Variants in TNIK observed in about 807,000 individuals in gnomAD.
TNIK encodes the protein TRAF2 and NCK-interacting protein kinase.
Under a neutral mutation model 191.3 loss-of-function variants are expected in TNIK, and 49 were observed. The observed-to-expected ratio is 0.26, with a 90% CI of 0.20 to 0.32. The LOEUF (loss-of-function observed/expected upper bound fraction) is 0.32. TNIK is among the 10% of genes least tolerant of loss of function. The pLI is 1.00. For synonymous variants in TNIK, 594 were observed against 600.9 expected (o/e 0.99, Z 0.17); for missense variants, 1,155 against 1,702.3 (o/e 0.68, Z 5.66).
intron 14 of TNIK, 99 bp downstream of exon 14, chr3:171,139,371 C>G (rs930000138): frequency 1.1e-6 from 1 of 931,142 alleles, no homozygotes; most frequent in East Asian, 2.6e-5. Context: ...AGGACACACG[C>G]ACGCGCGCAC....
chr3:171,423,387 C>T (rs1459735718), intron 1 of TNIK, among the ~76,000 whole-genome samples: 1 of 152,046 alleles, frequency 6.6e-6, no homozygotes, highest in African/African-American at 2.4e-5. Context: ...GAATCAATAT[C>T]GTGAAAATGG....
chr3:171,200,384 T>G (rs1739260923), intron 4 of TNIK, among the ~76,000 whole-genome samples: 1 of 151,846 alleles, frequency 6.6e-6, no homozygotes, highest in South Asian at 2.1e-4. Flanking sequence ...GCTTGGATTA[T>G]TTAGACATGG....
At chr3:171,396,615 A>G (rs1720284134) in intron 1 of TNIK, among the ~76,000 whole-genome samples, 1 of 152,224 alleles carries the variant, frequency 6.6e-6, no homozygotes, top group Non-Finnish European at 1.5e-5. Context: ...TTCAGCCAAC[A>G]GCAGGCCCTC....
At chr3:171,392,558 T>TCA (rs1719677471) in intron 1 of TNIK, among the ~76,000 whole-genome samples, 1 of 151,994 alleles carries the variant, frequency 6.6e-6, no homozygotes, top group Non-Finnish European at 1.5e-5. Context: ...AGTGGGTGGA[T>TCA]CACTTGAGGT....
chr3:171,237,881 C>T (rs1332071821), intron 2 of TNIK, among the ~76,000 whole-genome samples: 3 of 152,132 alleles, frequency 2.0e-5, no homozygotes, highest in Non-Finnish European at 4.4e-5. Context: ...TATGTACTTG[C>T]ACTCCTTTTA....
intron 25 of TNIK, 35 bp from the exon 26 acceptor site, chr3:171,084,360 C>A: frequency 1.3e-6 from 2 of 1,594,736 alleles, no homozygotes; most frequent in Non-Finnish European, 1.7e-6. Flanking sequence ...TCAGTGACAT[C>A]TTAAAAGATA....
At chr3:171,295,933 C>T (rs1326543770) in intron 2 of TNIK, among the ~76,000 whole-genome samples, 3 of 152,150 alleles carry the variant, frequency 2.0e-5, no homozygotes, top group Admixed American at 6.5e-5. Flanking sequence ...AATGCAAGGT[C>T]GAGTACTAGG....
At chr3:171,308,806 A>G (rs1753723484) in intron 2 of TNIK, among the ~76,000 whole-genome samples, 1 of 152,162 alleles carries the variant, frequency 6.6e-6, no homozygotes, top group Non-Finnish European at 1.5e-5. Flanking sequence ...AAAATGCTCA[A>G]CATCACTAAT....
intron 5 of TNIK, among the ~76,000 whole-genome samples, chr3:171,191,286 C>T (rs1198007083): frequency 6.6e-6 from 1 of 152,210 alleles, no homozygotes; most frequent in African/African-American, 2.4e-5. Context: ...CTTACTCTGT[C>T]GCCCAGGCTG....
chr3:171,120,485 T>A (rs1727546071), intron 18 of TNIK, among the ~76,000 whole-genome samples: 1 of 152,094 alleles, frequency 6.6e-6, no homozygotes, highest in African/African-American at 2.4e-5. Flanking sequence ...CATGCTCGAC[T>A]AATTTTTGTA....
intron 7 of TNIK, among the ~76,000 whole-genome samples, chr3:171,187,665 T>G (rs977736551): frequency 6.6e-6 from 1 of 152,210 alleles, no homozygotes; most frequent in Non-Finnish European, 1.5e-5. Flanking sequence ...GAAAGGGCTC[T>G]GAACAGAAAG....
intron 17 of TNIK, among the ~76,000 whole-genome samples, chr3:171,123,949 C>A (rs1204927409): frequency 6.6e-6 from 1 of 152,072 alleles, no homozygotes; most frequent in Non-Finnish European, 1.5e-5. Flanking sequence ...ATCTTAAAAA[C>A]AAATTTAAAG....
chr3:171,341,839 T>C lies in TNIK; in HGVS notation c.123+27781A>G, dbSNP rs144227076. On this transcript the variant is annotated intron_variant, in intron 2 of 32. Coordinates refer to ENST00000436636, the MANE Select transcript of TNIK (RefSeq NM_015028.4). ...AAGCACTGTTGAATCCACCATCTTA[T>C]TTGATCCCAACAGAGATCTCCTGAA... 5.8e-4 allele frequency among the ~76,000 whole-genome samples: 89 copies of C among 152,314 alleles called. 1 individual carries two copies. The highest frequency in any genetic ancestry group is 1.9e-3 in the African/African-American group (78 of 41,576).
intron 1 of TNIK, among the ~76,000 whole-genome samples, chr3:171,447,036 C>T (rs1727593109): frequency 6.6e-6 from 1 of 152,080 alleles, no homozygotes; most frequent in East Asian, 1.9e-4. Flanking sequence ...ACTAAAAATA[C>T]AAAAATTAGT....
chr3:171,261,963 T>A (rs1316045362), intron 2 of TNIK, among the ~76,000 whole-genome samples: 1 of 152,190 alleles, frequency 6.6e-6, no homozygotes, highest in African/African-American at 2.4e-5. Context: ...CCAGGTTTTA[T>A]GAACAACTAG....
intron 1 of TNIK, among the ~76,000 whole-genome samples, chr3:171,403,629 A>AG (rs1233656968): frequency 3.7e-4 from 55 of 150,074 alleles, no homozygotes; most frequent in African/African-American, 1.3e-3. Context: ...AAAAAAAAAA[A>AG]AAAAGAAAAG....
Position 171,139,477 on chromosome 3 carries a change from A to T in TNIK, c.1412T>A (p.Leu471Gln). The change falls in exon 14 of 33, where the codon CTA becomes CAA. Residue 471 changes from leucine (L) to glutamine (Q), a missense_variant. Leu to Gln is a moderately radical substitution (Grantham distance 113). Transcript: ENST00000436636. ...LQQQLLHEQA[L>Q]LLEYKRKQLE... Reference sequence around the variant, plus strand: ...TCTTGGCTTTCTCATTACCAGAAGTAGAGCTTGTTCATGCAGTAGCTGCTG... The same window carrying T: ...TCTTGGCTTTCTCATTACCAGAAGTTGAGCTTGTTCATGCAGTAGCTGCTG... 1 of 1,613,510 alleles carries T rather than the reference A, an allele frequency of 6.2e-7. No individual in the cohort carries two copies. The highest frequency in any genetic ancestry group is 1.3e-5 in the African/African-American group (1 of 75,026).
At chr3:171,273,189 C>A (rs566676853) in intron 2 of TNIK, among the ~76,000 whole-genome samples, 18 of 152,270 alleles carry the variant, frequency 1.2e-4, no homozygotes, top group African/African-American at 4.3e-4. Flanking sequence ...ACTAGAGATG[C>A]GGACCAGAGA....
chr3:171,165,173 TGTA>T (rs1314773675), intron 10 of TNIK, among the ~76,000 whole-genome samples: 5 of 152,124 alleles, frequency 3.3e-5, no homozygotes, highest in African/African-American at 1.2e-4. Flanking sequence ...GGTGTGCACC[TGTA>T]GTCCCAGCTA....
Sources: gnomAD v4.1 joint callset for allele counts (sites outside exome capture counted in the v4.1 genomes callset) on GRCh38, gnomAD v4.1.1 for gene constraint, MANE v1.5 for transcripts, NCBI Gene and HGNC (gene_info 2026-07-23, HGNC 2026-07-21) for gene names.